The following CDK8 variants were observed in gnomAD, a reference collection of about 807,000 sequenced individuals.
The protein encoded by CDK8 is cyclin dependent kinase 8.
CDK8 carries 29 observed loss-of-function variants against 71.5 expected under a neutral mutation model. That is an observed-to-expected ratio of 0.41 (90% CI 0.30 to 0.55). The LOEUF (loss-of-function observed/expected upper bound fraction) is 0.55, where lower values mean the gene tolerates loss of function less well. CDK8 is among the 20% of genes least tolerant of loss of function. CDK8 has a pLI of 0.37. For missense variants in CDK8, 288 were observed against 572.6 expected, an observed-to-expected ratio of 0.50 and a Z score of 5.07; for synonymous variants, 161 against 192.1, an observed-to-expected ratio of 0.84 and a Z score of 1.34.
intron 9 of CDK8, among the ~76,000 whole-genome samples, chr13:26,399,525 A>G (rs1172824417): frequency 6.6e-6 from 1 of 152,254 alleles, no homozygotes; most frequent in Non-Finnish European, 1.5e-5. Context: ...AAGCCACTGC[A>G]TTAGATCAGA....
At position 26,400,271 on chromosome 13, in the gene CDK8, T is replaced by C. The variant is rs1309759731; in HGVS notation, c.934-182T>C. On this transcript the variant is annotated intron_variant, in intron 9 of 12. Transcript: ENST00000381527. Reference sequence around the variant, plus strand: ...AACAAGTGAGATTATGAAACTGGAATGACTAAAGTGTGAATTACTACATTA... The same window carrying C: ...AACAAGTGAGATTATGAAACTGGAACGACTAAAGTGTGAATTACTACATTA... 1.3e-5 allele frequency: 7 copies of C among 549,682 alleles called. No homozygotes were observed. The African/African-American group carries it at 1.3e-4, about 11-fold the overall frequency. 34.1% of individuals were successfully genotyped at this position (549,682 alleles called of 1,614,324 possible).
At position 26,362,218 on chromosome 13, in the gene CDK8, TGATAGATG is replaced by T. The variant is rs1428131407; in HGVS notation, c.456+8342_456+8349del. 4.5e-3 allele frequency among the ~76,000 whole-genome samples: 613 copies of T among 137,422 alleles called. 6 individuals are homozygous for T. Among genetic ancestry groups the T allele is most frequent in the African/African-American group, 0.016 (577 of 36,550 alleles). The allele number at this position is 137,422 out of a possible 152,430, so 90.2% of individuals were successfully genotyped here. A position where few individuals can be genotyped will look rare whatever the true frequency, so the allele number is the denominator to read the frequency against. On this transcript the variant is annotated intron_variant, in intron 4 of 12. Coordinates refer to ENST00000381527, the MANE Select transcript of CDK8 (RefSeq NM_001260.3). ...GGTAGATGTATGTGTGGATGATAGA[TGATAGATG>T]GATGGATGGATGGATGGATGGATGG...
At chr13:26,317,527 G>A (rs928709436) in intron 1 of CDK8, among the ~76,000 whole-genome samples, 4 of 152,160 alleles carry the variant, frequency 2.6e-5, no homozygotes, top group African/African-American at 9.7e-5. Context: ...TTCCAGGATA[G>A]GCAATATGTT....
chr13:26,294,015 T>C (rs1258206980), intron 1 of CDK8, among the ~76,000 whole-genome samples: 1 of 152,226 alleles, frequency 6.6e-6, no homozygotes, highest in Non-Finnish European at 1.5e-5. Flanking sequence ...AGTGAGATCA[T>C]GTGGTATTTA....
intron 2 of CDK8, among the ~76,000 whole-genome samples, chr13:26,339,745 C>CT (rs1340389199): frequency 7.2e-5 from 3 of 41,810 alleles, no homozygotes; most frequent in Non-Finnish European, 8.4e-5. Flanking sequence ...TATATAATTA[C>CT]TTAAAAAAAA....
intron 2 of CDK8, among the ~76,000 whole-genome samples, chr13:26,345,637 C>T (rs1873432891): frequency 6.6e-6 from 1 of 152,200 alleles, no homozygotes; most frequent in Non-Finnish European, 1.5e-5. Flanking sequence ...CCTGCCTCGG[C>T]CTCCCAAAGT....
chr13:26,313,781 G>A (rs1297765609), intron 1 of CDK8, among the ~76,000 whole-genome samples: 2 of 152,142 alleles, frequency 1.3e-5, no homozygotes, highest in Non-Finnish European at 2.9e-5. Flanking sequence ...GTGGAATTGG[G>A]GATAAGGAGG....
At chr13:26,360,804 C>T (rs927301694) in intron 4 of CDK8, among the ~76,000 whole-genome samples, 1 of 152,152 alleles carries the variant, frequency 6.6e-6, no homozygotes, top group African/African-American at 2.4e-5. Flanking sequence ...CATGCATATC[C>T]TTTTGCATTT....
intron 4 of CDK8, among the ~76,000 whole-genome samples, chr13:26,378,416 T>G (rs961908497): frequency 2.0e-5 from 3 of 152,084 alleles, no homozygotes; most frequent in African/African-American, 4.8e-5. Flanking sequence ...ATCAATGAGT[T>G]TTTTGGGAGT....
intron 1 of CDK8, among the ~76,000 whole-genome samples, chr13:26,291,915 A>G (rs181748125): frequency 5.3e-5 from 8 of 152,208 alleles, no homozygotes; most frequent in Non-Finnish European, 5.9e-5. Flanking sequence ...TTTTGCTGGC[A>G]TACTTCCCTG....
chr13:26,397,311 G>A (rs1047147101), intron 9 of CDK8, 86 bp downstream of exon 9: 26 of 780,846 alleles, frequency 3.3e-5, no homozygotes, highest in Non-Finnish European at 5.7e-5. Context: ...CAATTTATGT[G>A]GTTACTTAGC....
intron 1 of CDK8, among the ~76,000 whole-genome samples, chr13:26,333,173 C>G (rs2137966386): frequency 6.6e-6 from 1 of 151,700 alleles, no homozygotes; most frequent in East Asian, 1.9e-4. Flanking sequence ...CAGTCTCGCT[C>G]TCATCCCCCA....
chr13:26,314,708 C>A (rs926707759), intron 1 of CDK8, among the ~76,000 whole-genome samples: 5 of 152,084 alleles, frequency 3.3e-5, no homozygotes, highest in Non-Finnish European at 7.4e-5. Flanking sequence ...TTGTAGTAGC[C>A]CATGCTTTAC....
At chr13:26,270,637 A>G (rs546496007) in intron 1 of CDK8, among the ~76,000 whole-genome samples, 4 of 152,238 alleles carry the variant, frequency 2.6e-5, no homozygotes, top group African/African-American at 9.6e-5. Context: ...AAATCATACA[A>G]TATGTGCTCT....
At chr13:26,387,333 C>A (rs1875527114) in intron 6 of CDK8, among the ~76,000 whole-genome samples, 1 of 152,148 alleles carries the variant, frequency 6.6e-6, no homozygotes. Context: ...TGTTTGGTGA[C>A]CCTTGAGTGT....
In CDK8 at chr13:26,254,391, G is replaced by T; in HGVS notation, c.-251G>T. 5.6e-6 allele frequency: 2 copies of T among 357,286 alleles called. No homozygotes were observed. The highest frequency in any genetic ancestry group is 1.0e-5 in the Non-Finnish European group (2 of 192,536). 22.1% of individuals were successfully genotyped at this position (357,286 alleles called of 1,614,324 possible). A position where few individuals can be genotyped will look rare whatever the true frequency, so the allele number is the denominator to read the frequency against. On this transcript the variant is annotated 5_prime_UTR_variant, in exon 1 of 13. Coordinates refer to ENST00000381527, the MANE Select transcript of CDK8 (RefSeq NM_001260.3). This position sits in a 1 kb window ranked among gnomAD's most constrained non-coding sequence, Gnocchi z 6.7. ...TCCCCACCCCCAGCCCTCGTCCCTC[G>T]GCTCTCCTTCGCCGGGGGATCCTCC...
At chr13:26,373,830 T>C (rs1354303899) in intron 4 of CDK8, among the ~76,000 whole-genome samples, 1 of 151,946 alleles carries the variant, frequency 6.6e-6, no homozygotes, top group African/African-American at 2.4e-5. Context: ...GCATATGTTA[T>C]GTTCTAGAGG....
intron 4 of CDK8, among the ~76,000 whole-genome samples, chr13:26,381,416 C>A (rs1378374662): frequency 6.6e-6 from 1 of 151,866 alleles, no homozygotes; most frequent in Non-Finnish European, 1.5e-5. Context: ...GTGTGTAGCT[C>A]CCAGGGAATA....
intron 2 of CDK8, among the ~76,000 whole-genome samples, chr13:26,347,237 C>G (rs1251159982): frequency 6.6e-6 from 1 of 152,110 alleles, no homozygotes; most frequent in Admixed American, 6.5e-5. Flanking sequence ...AAAATATGCT[C>G]TCCTGGATGC....
Sources: allele counts gnomAD v4.1 joint callset (sites outside exome capture counted in the v4.1 genomes callset), GRCh38; gene constraint gnomAD v4.1.1; non-coding constraint Gnocchi (gnomAD v3.1); transcripts MANE v1.5; gene names NCBI Gene and HGNC (gene_info 2026-07-23, HGNC 2026-07-21).